Variants in TENM1 observed in about 807,000 individuals in gnomAD.
TENM1 encodes teneurin-1.
A neutral mutation model predicts 174.8 loss-of-function variants in TENM1; 35 were observed. That is an observed-to-expected ratio of 0.20 (90% CI 0.15 to 0.27). TENM1 has a LOEUF of 0.27. Ranked by LOEUF, TENM1 falls within the 10% of genes least tolerant of loss-of-function variation. The pLI is 1.00. For missense variants in TENM1, 1,633 were observed against 2,130.1 expected (o/e 0.77, Z 4.59); for synonymous variants, 781 against 798.7 (o/e 0.98, Z 0.37).
chrX:124,970,602 G>A, the TENM1 span, among the ~76,000 whole-genome samples: 1 of 111,925 alleles, frequency 8.9e-6, no homozygotes, highest in Non-Finnish European at 1.9e-5. Context: ...ACTGCTGTGG[G>A]TGTGAGAAAA....
chrX:124,507,313 G>A (rs1393682586), intron 18 of TENM1, among the ~76,000 whole-genome samples: 1 of 111,051 alleles, frequency 9.0e-6, no homozygotes, highest in Non-Finnish European at 1.9e-5. Context: ...TGAGCCATGT[G>A]ATCACCTCCC....
chrX:125,000,694 C>A, the TENM1 span, among the ~76,000 whole-genome samples: 1 of 111,547 alleles, frequency 9.0e-6, no homozygotes, highest in African/African-American at 3.2e-5. Context: ...GAAATGACCA[C>A]GTACATGTTG....
chrX:124,723,638 G>C (rs1281458862), intron 4 of TENM1, among the ~76,000 whole-genome samples: 2 of 83,320 alleles, frequency 2.4e-5, no homozygotes, highest in African/African-American at 4.8e-5. Flanking sequence ...GTCTCACTCT[G>C]TCATTAGGCT....
intron 6 of TENM1, among the ~76,000 whole-genome samples, chrX:124,660,989 A>G (rs1376370088): frequency 8.9e-6 from 1 of 112,525 alleles, no homozygotes; most frequent in Admixed American, 9.4e-5. Context: ...CAAAAGATCT[A>G]TCAACTAATG....
chrX:124,543,109 G>C (rs2048356397), intron 15 of TENM1, among the ~76,000 whole-genome samples: 1 of 112,283 alleles, frequency 8.9e-6, no homozygotes, highest in Non-Finnish European at 1.9e-5. Context: ...AGTCAAGTGA[G>C]TGGTGAGCTA....
chrX:124,396,304 CT>C lies in TENM1; in HGVS notation c.5392-3957del, dbSNP rs1257692658. Among the ~76,000 whole-genome samples, 192 of 70,379 alleles carry C rather than the reference CT, an allele frequency of 2.7e-3. 4 individuals carry two copies. The highest frequency in any genetic ancestry group is 3.6e-3 in the African/African-American group (58 of 15,900). The allele number at this position is 70,379 out of a possible 115,157, so 61.1% of individuals were successfully genotyped here. A position where few individuals can be genotyped will look rare whatever the true frequency, so the allele number is the denominator to read the frequency against. On this transcript the variant is annotated intron_variant, in intron 27 of 31. Coordinates refer to ENST00000422452, the Ensembl canonical transcript of TENM1. Reference sequence around the variant, plus strand: ...CTTTTCCAGCTGAGCCTCTCCCAACCTTTTTTTTTTTTTTCGAGCCGGAGTT... The same window carrying C: ...CTTTTCCAGCTGAGCCTCTCCCAACCTTTTTTTTTTTTTCGAGCCGGAGTT...
At chrX:124,971,420 C>T in the TENM1 span, among the ~76,000 whole-genome samples, 77 of 111,441 alleles carry the variant, frequency 6.9e-4, no homozygotes, top group Middle Eastern at 4.7e-3. Context: ...GCTTCCTTCG[C>T]GCTAGATGAT....
chrX:124,682,294 T>C, intron 5 of TENM1, among the ~76,000 whole-genome samples: 1 of 111,735 alleles, frequency 8.9e-6, no homozygotes, highest in Non-Finnish European at 1.9e-5. Flanking sequence ...AAAGGTATCA[T>C]CATTTCTTAG....
the TENM1 span, among the ~76,000 whole-genome samples, chrX:125,038,383 T>C: frequency 1.1e-3 from 122 of 110,312 alleles, no homozygotes; most frequent in African/African-American, 3.7e-3. Context: ...ATCTGAAAAA[T>C]AGGAATAATA....
At chrX:125,036,419 T>C in the TENM1 span, among the ~76,000 whole-genome samples, 1 of 111,804 alleles carries the variant, frequency 8.9e-6, no homozygotes, top group Admixed American at 9.5e-5. Flanking sequence ...TGAGTTAAAG[T>C]GTCAAAATGT....
intron 11 of TENM1, among the ~76,000 whole-genome samples, chrX:124,636,358 C>T (rs1449681949): frequency 2.7e-5 from 3 of 111,674 alleles, no homozygotes. Flanking sequence ...GCATTTCCTT[C>T]CCTTATTTTT....
At chrX:124,646,305 T>G (rs1423943253) in intron 9 of TENM1, among the ~76,000 whole-genome samples, 1 of 112,216 alleles carries the variant, frequency 8.9e-6, no homozygotes, top group Non-Finnish European at 1.9e-5. Context: ...GTTATCAACT[T>G]AGTTCACTTT....
At chrX:124,647,409 G>A (rs2051186921) in intron 8 of TENM1, among the ~76,000 whole-genome samples, 1 of 111,435 alleles carries the variant, frequency 9.0e-6, no homozygotes, top group South Asian at 3.8e-4. Flanking sequence ...TTTCTGAACT[G>A]TAAATGCTTA....
chrX:125,099,662 G>A, the TENM1 span, among the ~76,000 whole-genome samples: 1 of 111,425 alleles, frequency 9.0e-6, no homozygotes, highest in African/African-American at 3.3e-5. Context: ...CATTCTGTGT[G>A]TCTAGAAAGC....
chrX:125,195,440 A>G, the TENM1 span, among the ~76,000 whole-genome samples: 2 of 112,129 alleles, frequency 1.8e-5, no homozygotes, highest in Non-Finnish European at 3.8e-5. Context: ...ACCAGTTAAA[A>G]TACTTCCCTT....
intron 5 of TENM1, 25 bp from the exon 9 acceptor site, chrX:124,671,860 A>T (rs1569380755): frequency 8.3e-7 from 1 of 1,203,096 alleles, no homozygotes; most frequent in Non-Finnish European, 1.1e-6. Context: ...GCCATACATT[A>T]ATTTATTCCA....
At chrX:125,068,157 G>A in the TENM1 span, among the ~76,000 whole-genome samples, 1,273 of 111,462 alleles carry the variant, frequency 0.011, 13 homozygotes, top group African/African-American at 0.038. Flanking sequence ...GAAAAGAGGT[G>A]GTGATGGTGG....
At chrX:124,631,847 C>T (rs1233193174) in intron 11 of TENM1, among the ~76,000 whole-genome samples, 2 of 100,863 alleles carry the variant, frequency 2.0e-5, no homozygotes, top group Non-Finnish European at 4.0e-5. Flanking sequence ...TGAGATCAAG[C>T]CATTGCACTC....
At chrX:125,065,469 T>C in the TENM1 span, among the ~76,000 whole-genome samples, 11 of 111,687 alleles carry the variant, frequency 9.8e-5, 1 homozygote, top group African/African-American at 3.6e-4. Flanking sequence ...TTCTTTTTGT[T>C]TCCTAATCTT....
Sources: gnomAD v4.1 joint callset for allele counts (sites outside exome capture counted in the v4.1 genomes callset) on GRCh38, gnomAD v4.1.1 for gene constraint, MANE v1.5 for transcripts, NCBI Gene and HGNC (gene_info 2026-07-23, HGNC 2026-07-21) for gene names.